Variants in ACAP2 observed in about 807,000 individuals in gnomAD.
The protein encoded by ACAP2 is arf-GAP with coiled-coil, ANK repeat and PH domain-containing protein 2.
Under a neutral mutation model 115.8 loss-of-function variants are expected in ACAP2, and 39 were observed. The ratio of observed to expected loss-of-function variants is 0.34; its 90% CI spans 0.26 to 0.44. ACAP2 has a LOEUF of 0.44. ACAP2 is among the 20% of genes least tolerant of loss of function. The pLI is 1.00. For missense variants in ACAP2, 662 were observed against 927.6 expected (o/e 0.71, Z 3.72); for synonymous variants, 289 against 315.8 (o/e 0.92, Z 0.90).
chr3:195,307,102 A>T, intron 12 of ACAP2, 121 bp downstream of exon 12: 1 of 675,082 alleles, frequency 1.5e-6, no homozygotes, highest in South Asian at 2.4e-5. Context: ...AATTATTTTT[A>T]AAACTTTTTT....
At chr3:195,290,838 A>AAAT (rs1469040165) in intron 20 of ACAP2, among the ~76,000 whole-genome samples, 7 of 128,538 alleles carry the variant, frequency 5.4e-5, no homozygotes, top group African/African-American at 2.2e-4. Flanking sequence ...ATAAATAAAT[A>AAAT]AATAAATAAA....
chr3:195,391,228 C>CTTTTTTT lies in ACAP2; in HGVS notation c.111+855_111+861dup, dbSNP rs1186667963. ...GAAAATACAGAAAAAGCTTCTCTTT[C>CTTTTTTT]TTTTTTTTTTTTTTTTTTGAGATGG... On this transcript the variant is annotated intron_variant, in intron 2 of 22. Transcript: ENST00000326793. 3.8e-5 allele frequency among the ~76,000 whole-genome samples: 5 copies of CTTTTTTT among 129,888 alleles called. 1 individual carries two copies. Among genetic ancestry groups the CTTTTTTT allele is most frequent in the African/African-American group, 2.8e-5 (1 of 35,364 alleles). The allele number at this position is 129,888 out of a possible 152,430, so 85.2% of individuals were successfully genotyped here.
At chr3:195,438,299 A>T (rs1715724145) in intron 1 of ACAP2, among the ~76,000 whole-genome samples, 1 of 151,800 alleles carries the variant, frequency 6.6e-6, no homozygotes, top group Admixed American at 6.6e-5. Flanking sequence ...AAGTGCTAGG[A>T]TTACAGGTTT....
chr3:195,377,428 A>T (rs1164117893), intron 4 of ACAP2, among the ~76,000 whole-genome samples: 3 of 152,034 alleles, frequency 2.0e-5, no homozygotes, highest in Non-Finnish European at 2.9e-5. Flanking sequence ...TACAGGTATG[A>T]GCCACCACGC....
intron 4 of ACAP2, among the ~76,000 whole-genome samples, chr3:195,365,093 A>T (rs1437819131): frequency 2.6e-5 from 4 of 152,208 alleles, no homozygotes; most frequent in African/African-American, 9.7e-5. Flanking sequence ...TTGAACTCAT[A>T]GAGAGTAGAA....
intron 1 of ACAP2, among the ~76,000 whole-genome samples, chr3:195,429,617 C>T (rs182316637): frequency 6.6e-6 from 1 of 152,154 alleles, no homozygotes; most frequent in Non-Finnish European, 1.5e-5. Flanking sequence ...TAGGCTGTAT[C>T]GTGACAGAGG....
intron 1 of ACAP2, among the ~76,000 whole-genome samples, chr3:195,429,524 G>A (rs896568099): frequency 6.6e-6 from 1 of 152,020 alleles, no homozygotes; most frequent in African/African-American, 2.4e-5. Flanking sequence ...TTCAACGATA[G>A]GCAAAACTAA....
intron 4 of ACAP2, chr3:195,356,300 C>A: frequency 2.4e-6 from 1 of 409,538 alleles, no homozygotes; most frequent in South Asian, 1.7e-5. Context: ...GCCCCAGGGA[C>A]AGGACAATCA....
intron 1 of ACAP2, among the ~76,000 whole-genome samples, chr3:195,435,235 C>A (rs903789174): frequency 6.6e-6 from 1 of 151,526 alleles, no homozygotes; most frequent in African/African-American, 2.4e-5. Flanking sequence ...AGTGCAGTGG[C>A]GTACTCTTGG....
chr3:195,349,895 C>A, intron 4 of ACAP2: 1 of 252,826 alleles, frequency 4.0e-6, no homozygotes, highest in Non-Finnish European at 7.7e-6. Context: ...AGCAATATCT[C>A]ATAGGATCCC....
In ACAP2 at chr3:195,328,287, AT is replaced by A. The variant is rs543949410; in HGVS notation, c.670-1329del. Among the ~76,000 whole-genome samples the A allele has an allele frequency of 6.7e-4, 102 of 152,278 alleles. 1 individual carries two copies. The highest frequency in any genetic ancestry group is 6.2e-3 in the Admixed American group (95 of 15,288). Reference sequence around the variant, plus strand: ...TAAATGTCTACACATTTTAAGTTATATTTTTTTAAAACTAAATTTTTAAAAA... The same window carrying A: ...TAAATGTCTACACATTTTAAGTTATATTTTTTAAAACTAAATTTTTAAAAA... On this transcript the variant is annotated intron_variant, in intron 8 of 22. Coordinates refer to ENST00000326793, the MANE Select transcript of ACAP2 (RefSeq NM_012287.6).
intron 4 of ACAP2, among the ~76,000 whole-genome samples, chr3:195,349,037 A>G (rs1348503683): frequency 6.7e-6 from 1 of 149,888 alleles, no homozygotes; most frequent in Non-Finnish European, 1.5e-5. Flanking sequence ...AGATGATGTG[A>G]TCAGCTCTAT....
intron 1 of ACAP2, chr3:195,442,421 G>T: frequency 2.8e-6 from 1 of 351,680 alleles, no homozygotes; most frequent in Non-Finnish European, 5.2e-6. Flanking sequence ...CGGAAGGAAG[G>T]GGGAAGGAAG....
intron 20 of ACAP2, among the ~76,000 whole-genome samples, chr3:195,290,533 G>A (rs1467427920): frequency 2.6e-5 from 4 of 152,070 alleles, no homozygotes; most frequent in African/African-American, 4.8e-5. Context: ...AGACATGGCC[G>A]TGCGCAGTGG....
At chr3:195,380,067 A>G (rs980079590) in intron 4 of ACAP2, among the ~76,000 whole-genome samples, 8 of 152,166 alleles carry the variant, frequency 5.3e-5, no homozygotes, top group African/African-American at 1.9e-4. Flanking sequence ...CAGTCTCTGT[A>G]GAAAACAGTT....
intron 4 of ACAP2, among the ~76,000 whole-genome samples, chr3:195,355,883 G>A (rs781094975): frequency 6.6e-6 from 1 of 152,130 alleles, no homozygotes; most frequent in African/African-American, 2.4e-5. Context: ...ATTATTCAGG[G>A]CCAGGCAAAA....
chr3:195,337,329 T>G (rs1730568924), intron 6 of ACAP2, among the ~76,000 whole-genome samples: 1 of 152,186 alleles, frequency 6.6e-6, no homozygotes, highest in Non-Finnish European at 1.5e-5. Context: ...TTCTCAGCAC[T>G]TTACCACTAC....
chr3:195,375,490 T>C (rs1200441292), intron 4 of ACAP2, among the ~76,000 whole-genome samples: 2 of 128,600 alleles, frequency 1.6e-5, no homozygotes, highest in Non-Finnish European at 3.2e-5. Flanking sequence ...CAGCTCTAAA[T>C]TGAAAAATCA....
At chr3:195,404,253 G>A (rs1022229426) in intron 1 of ACAP2, among the ~76,000 whole-genome samples, 4 of 152,144 alleles carry the variant, frequency 2.6e-5, no homozygotes, top group African/African-American at 7.2e-5. Flanking sequence ...GAGTAATCAA[G>A]TATGTCAAAA....
Sources: allele counts gnomAD v4.1 joint callset (sites outside exome capture counted in the v4.1 genomes callset), GRCh38; gene constraint gnomAD v4.1.1; transcripts MANE v1.5; gene names NCBI Gene and HGNC (gene_info 2026-07-23, HGNC 2026-07-21).